The following HHIP variants were observed in gnomAD, a reference collection of about 807,000 sequenced individuals.
HHIP encodes hedgehog interacting protein.
A neutral mutation model predicts 74.0 loss-of-function variants in HHIP; 12 were observed. The ratio of observed to expected loss-of-function variants is 0.16; its 90% CI spans 0.10 to 0.26. The LOEUF (loss-of-function observed/expected upper bound fraction) is 0.26. HHIP is among the 10% of genes least tolerant of loss of function. The probability of loss-of-function intolerance (pLI) is 1.00; values close to 1 mark genes in which losing one functional copy is unlikely to be tolerated. For missense variants in HHIP, 788 were observed against 845.0 expected (o/e 0.93, Z 0.84); for synonymous variants, 309 against 311.6 (o/e 0.99, Z 0.09).
intron 4 of HHIP, among the ~76,000 whole-genome samples, chr4:144,686,542 A>G (rs148209651): frequency 1.1e-3 from 170 of 152,312 alleles, no homozygotes; most frequent in African/African-American, 3.8e-3. Flanking sequence ...GATTAAAGAT[A>G]CATTAGAAAT....
intron 2 of HHIP, among the ~76,000 whole-genome samples, chr4:144,657,424 G>A (rs1728586294): frequency 6.6e-6 from 1 of 151,924 alleles, no homozygotes; most frequent in South Asian, 2.1e-4. Flanking sequence ...AATATAATTT[G>A]TTATATAAAA....
intron 4 of HHIP, among the ~76,000 whole-genome samples, chr4:144,703,783 AC>A (rs1340424266): frequency 6.6e-6 from 1 of 152,166 alleles, no homozygotes; most frequent in Non-Finnish European, 1.5e-5. Flanking sequence ...CCTGGTGAAG[AC>A]TACAGCTGAA....
Position 144,736,295 on chromosome 4 carries a change from C to T in HHIP, c.1909+1406C>T, listed in dbSNP as rs1005082987. On this transcript the variant is annotated intron_variant, in intron 12 of 12. Transcript: ENST00000296575. ...GGATTATAGGCGCCCACCACCATGC[C>T]CTCCTAATTTTTGTATTTATAGTGG... Among the ~76,000 whole-genome samples, 8 of 151,992 alleles carry T rather than the reference C, an allele frequency of 5.3e-5. No individual in the cohort carries two copies. In the East Asian group the frequency reaches 1.5e-3, roughly 29 times the overall value.
rs566486793 is a variant in HHIP, at chr4:144,745,218, G to A, written c.*7261G>A. The A allele has an allele frequency of 6.6e-6, 1 of 152,244 alleles. No homozygotes were observed. The highest frequency in any genetic ancestry group is 2.1e-4 in the South Asian group (1 of 4,824). 9.4% of individuals were successfully genotyped at this position (152,244 alleles called of 1,614,324 possible). ...TGCCTGAAATTTGGTTAGATTGGCTGTGTTTTGTGTCTTTTAACATGATCA... is the reference window on the plus strand; with the variant it reads ...TGCCTGAAATTTGGTTAGATTGGCTATGTTTTGTGTCTTTTAACATGATCA... On this transcript the variant is annotated 3_prime_UTR_variant, in exon 13 of 13. Transcript: ENST00000296575.
At chr4:144,648,290 G>A (rs555341184) in intron 1 of HHIP, 2 of 152,246 alleles carry the variant, frequency 1.3e-5, no homozygotes, top group African/African-American at 4.8e-5. Flanking sequence ...TTTGTTAGTT[G>A]GTTCACTAAT....
chr4:144,658,757 T>G (rs757944841), intron 2 of HHIP, 33 bp from the exon 3 acceptor site: 16 of 1,571,282 alleles, frequency 1.0e-5, no homozygotes, highest in Non-Finnish European at 1.3e-5. Context: ...TGACATTAGG[T>G]GCTTCTAATG....
chr4:144,667,247 G>A (rs1728897931), intron 4 of HHIP, among the ~76,000 whole-genome samples: 1 of 152,104 alleles, frequency 6.6e-6, no homozygotes, highest in South Asian at 2.1e-4. Flanking sequence ...CTACTCAAGA[G>A]GCTCAGCGAG....
At chr4:144,667,690 CA>C (rs1448843109) in intron 4 of HHIP, among the ~76,000 whole-genome samples, 3 of 152,206 alleles carry the variant, frequency 2.0e-5, no homozygotes, top group Non-Finnish European at 4.4e-5. Context: ...ATAAGAACTA[CA>C]GCAACCTTTC....
At chr4:144,678,682 G>C (rs937529146) in intron 4 of HHIP, among the ~76,000 whole-genome samples, 1 of 152,040 alleles carries the variant, frequency 6.6e-6, no homozygotes, top group Admixed American at 6.6e-5. Flanking sequence ...TGAGAATGAT[G>C]GTTTCCAGCT....
intron 4 of HHIP, among the ~76,000 whole-genome samples, chr4:144,684,998 T>C (rs1159536056): frequency 3.9e-5 from 6 of 152,218 alleles, no homozygotes; most frequent in Non-Finnish European, 7.4e-5. Flanking sequence ...TTTTGCACTA[T>C]ACAAGATAGC....
chr4:144,698,315 G>C (rs1458892145), intron 4 of HHIP, among the ~76,000 whole-genome samples: 3 of 152,116 alleles, frequency 2.0e-5, no homozygotes, highest in Admixed American at 6.5e-5. Context: ...GTCAACAACG[G>C]ACCACATATA....
chr4:144,668,697 A>C (rs1444333678), intron 4 of HHIP, among the ~76,000 whole-genome samples: 1 of 152,160 alleles, frequency 6.6e-6, no homozygotes, highest in Admixed American at 6.5e-5. Flanking sequence ...CGGTGCAGTG[A>C]GCCGAGATCA....
chr4:144,717,176 G>A (rs191300334), intron 10 of HHIP, among the ~76,000 whole-genome samples: 2 of 152,128 alleles, frequency 1.3e-5, no homozygotes, highest in East Asian at 1.9e-4. Context: ...TGTGAAACTC[G>A]CTAGCTTTAA....
At chr4:144,696,530 G>A (rs1473563777) in intron 4 of HHIP, among the ~76,000 whole-genome samples, 1 of 151,862 alleles carries the variant, frequency 6.6e-6, no homozygotes, top group East Asian at 1.9e-4. Context: ...TGAACAATGG[G>A]TGCTGATAAG....
intron 7 of HHIP, among the ~76,000 whole-genome samples, chr4:144,709,699 T>C (rs547069255): frequency 1.3e-5 from 2 of 152,322 alleles, no homozygotes; most frequent in African/African-American, 4.8e-5. Flanking sequence ...CTAAGTATCT[T>C]GTGTACTTTA....
intron 4 of HHIP, among the ~76,000 whole-genome samples, chr4:144,683,431 T>C (rs1307824482): frequency 6.6e-6 from 1 of 152,214 alleles, no homozygotes; most frequent in Non-Finnish European, 1.5e-5. Flanking sequence ...TTAGGAATGG[T>C]AAAGAGTTAA....
chr4:144,734,630 A>AT, intron 11 of HHIP, 111 bp from the exon 12 acceptor site: 1 of 827,662 alleles, frequency 1.2e-6, no homozygotes, highest in Non-Finnish European at 1.7e-6. Flanking sequence ...AAAAAAAAAA[A>AT]GTCTCTCTAG....
intron 11 of HHIP, among the ~76,000 whole-genome samples, chr4:144,725,974 T>C (rs999488497): frequency 2.0e-5 from 3 of 152,064 alleles, no homozygotes; most frequent in African/African-American, 7.2e-5. Context: ...TCCAGGCTAT[T>C]TACTCTATTT....
At position 144,658,785 on chromosome 4, in the gene HHIP, T is replaced by A; in HGVS notation, c.473-5T>A. ...TTCTAATGAGTCTTTTTATATTTTT[T>A]AAAGGTTTCCTTCAAACAACTGCGG... On this transcript the variant is annotated splice_polypyrimidine_tract_variant and splice_region_variant and intron_variant, in intron 2 of 12. Coordinates refer to ENST00000296575, the MANE Select transcript of HHIP (RefSeq NM_022475.3). 6.2e-7 allele frequency: 1 copy of A among 1,608,736 alleles called. No homozygotes were observed. Among genetic ancestry groups the A allele is most frequent in the Non-Finnish European group, 8.5e-7 (1 of 1,177,430 alleles).
Sources: allele counts gnomAD v4.1 joint callset (sites outside exome capture counted in the v4.1 genomes callset), GRCh38; gene constraint gnomAD v4.1.1; transcripts MANE v1.5; gene names NCBI Gene and HGNC (gene_info 2026-07-23, HGNC 2026-07-21).